CRACD: variants seen among roughly 807,000 people sequenced by gnomAD.
The protein encoded by CRACD is capping protein-inhibiting regulator of actin dynamics.
A neutral mutation model predicts 106.8 loss-of-function variants in CRACD; 56 were observed. That is an observed-to-expected ratio of 0.52 (90% CI 0.42 to 0.66). The LOEUF (loss-of-function observed/expected upper bound fraction) is 0.66. Among genes scored for constraint, CRACD ranks in the 30% least tolerant of loss-of-function variants. CRACD has a pLI of 0.00. For missense variants in CRACD, 1,730 were observed against 1,623.2 expected, an observed-to-expected ratio of 1.07 and a Z score of -1.13; for synonymous variants, 754 against 670.8, an observed-to-expected ratio of 1.12 and a Z score of -1.92.
intron 2 of CRACD, among the ~76,000 whole-genome samples, chr4:56,259,751 C>T (rs767107364): frequency 3.9e-4 from 60 of 152,202 alleles, no homozygotes; most frequent in African/African-American, 1.3e-3. Flanking sequence ...CCCTGTGGCT[C>T]CTGCCTCTCA....
intron 2 of CRACD, among the ~76,000 whole-genome samples, chr4:56,233,644 C>T (rs551378091): frequency 4.6e-5 from 7 of 152,174 alleles, no homozygotes; most frequent in South Asian, 4.1e-4. Context: ...GTTATTTCTC[C>T]AGTTTTGTTC....
rs965392934 is a variant in CRACD, at chr4:56,315,355, G to A, written c.1853G>A (p.Cys618Tyr). The A allele has an allele frequency of 4.3e-6, 7 of 1,613,554 alleles. No homozygotes were observed. The highest frequency in any genetic ancestry group is 1.3e-5 in the African/African-American group (1 of 74,928). ...CTGAGCCAGATCAAGGACACCGCGT[G>A]CAAGTCCCTCCTGGGCTTGGAGGAG... ...VNLSQIKDTA[C>Y]KSLLGLEEKK... Residue 618 changes from cysteine to tyrosine, a missense_variant, in exon 8 of 11, where the codon TGC becomes TAC. By Grantham distance (194) the Cys-to-Tyr change is radical. Coordinates refer to ENST00000682029, the MANE Select transcript of CRACD (RefSeq NM_001393381.1). This position sits in a 1 kb window ranked among gnomAD's most constrained non-coding sequence, Gnocchi z 4.1.
chr4:56,102,982 C>T (rs576345414), intron 1 of CRACD, among the ~76,000 whole-genome samples: 6 of 152,280 alleles, frequency 3.9e-5, no homozygotes, highest in South Asian at 2.1e-4. Flanking sequence ...TGCAAGTTTA[C>T]GTTGTGTACC....
At chr4:56,067,302 A>G (rs1376554360) in intron 1 of CRACD, among the ~76,000 whole-genome samples, 1 of 152,228 alleles carries the variant, frequency 6.6e-6, no homozygotes, top group Non-Finnish European at 1.5e-5. Context: ...GCTGAGTATT[A>G]CAGATAAGGA....
chr4:56,053,627 A>C (rs1384493837), intron 1 of CRACD, among the ~76,000 whole-genome samples: 1 of 152,208 alleles, frequency 6.6e-6, no homozygotes, highest in African/African-American at 2.4e-5. Flanking sequence ...CCAGGTGCCT[A>C]AAAATGTATA....
At chr4:56,274,351 G>C (rs1742546960) in intron 3 of CRACD, among the ~76,000 whole-genome samples, 1 of 152,198 alleles carries the variant, frequency 6.6e-6, no homozygotes, top group Non-Finnish European at 1.5e-5. Context: ...GTCAAGTCTG[G>C]AAAGTTCTCC....
intron 2 of CRACD, among the ~76,000 whole-genome samples, chr4:56,244,628 C>G (rs1170178774): frequency 1.3e-5 from 2 of 152,198 alleles, no homozygotes; most frequent in East Asian, 3.8e-4. Context: ...CCTTCAGACT[C>G]CCACGTGCGT....
chr4:56,225,424 T>G (rs1473277935), intron 2 of CRACD, among the ~76,000 whole-genome samples: 4 of 152,212 alleles, frequency 2.6e-5, no homozygotes, highest in Non-Finnish European at 4.4e-5. Context: ...TAAAGACATT[T>G]TGATTGAATA....
chr4:56,204,871 A>G (rs1051392461), intron 2 of CRACD, among the ~76,000 whole-genome samples: 6 of 152,174 alleles, frequency 3.9e-5, no homozygotes, highest in Non-Finnish European at 8.8e-5. Context: ...TTAAAAATTA[A>G]AAAGACACCC....
At chr4:56,312,329 T>TTTTTAAAGTA (rs1204557572) in intron 6 of CRACD, among the ~76,000 whole-genome samples, 1 of 152,108 alleles carries the variant, frequency 6.6e-6, no homozygotes, top group Admixed American at 6.5e-5. Context: ...GGCTAATTTA[T>TTTTTAAAGTA]TTTTAAAGTA....
At chr4:56,108,277 A>G (rs532782854) in intron 1 of CRACD, among the ~76,000 whole-genome samples, 3 of 152,350 alleles carry the variant, frequency 2.0e-5, no homozygotes, top group African/African-American at 4.8e-5. Flanking sequence ...ATAATCCTGT[A>G]TCATTAATAC....
intron 2 of CRACD, among the ~76,000 whole-genome samples, chr4:56,237,692 C>T (rs1275882880): frequency 6.6e-6 from 1 of 150,462 alleles, no homozygotes; most frequent in Non-Finnish European, 1.5e-5. Flanking sequence ...ATTCCTAGAA[C>T]TGAAATTTCT....
At chr4:56,068,243 T>C (rs1732525076) in intron 1 of CRACD, among the ~76,000 whole-genome samples, 1 of 152,010 alleles carries the variant, frequency 6.6e-6, no homozygotes, top group Admixed American at 6.5e-5. Flanking sequence ...TGTGGTGATA[T>C]GGGGAAAAGA....
intron 1 of CRACD, among the ~76,000 whole-genome samples, chr4:56,146,041 A>G (rs576812628): frequency 6.6e-5 from 10 of 152,300 alleles, no homozygotes; most frequent in African/African-American, 1.9e-4. Context: ...TTTTAAAGCT[A>G]TTAATATTCC....
chr4:56,243,424 GAA>G (rs1280280209), intron 2 of CRACD, among the ~76,000 whole-genome samples: 1 of 152,202 alleles, frequency 6.6e-6, no homozygotes. Context: ...AGGAATGTTA[GAA>G]GAGAGAGAAA....
intron 1 of CRACD, among the ~76,000 whole-genome samples, chr4:56,168,204 T>C (rs62308648): frequency 0.33 from 49,733 of 152,046 alleles, 8,122 homozygotes; most frequent in Admixed American, 0.34. Context: ...AAGTTTTTCA[T>C]AGATGCTCTT....
At chr4:56,299,121 G>A (rs1744219406) in intron 4 of CRACD, among the ~76,000 whole-genome samples, 1 of 152,096 alleles carries the variant, frequency 6.6e-6, no homozygotes, top group African/African-American at 2.4e-5. Flanking sequence ...TGTTGTATTT[G>A]TAAATCTCGC....
chr4:56,098,397 T>C lies in CRACD; in HGVS notation c.-336+49098T>C, dbSNP rs953965190. On this transcript the variant is annotated intron_variant, in intron 1 of 10. Coordinates refer to ENST00000682029, the MANE Select transcript of CRACD (RefSeq NM_001393381.1). ...TCATATGCGATAGGTAAGTCTAATGTTAACTATATATACATTTACACTACT... is the reference window on the plus strand; with the variant it reads ...TCATATGCGATAGGTAAGTCTAATGCTAACTATATATACATTTACACTACT... Among the ~76,000 whole-genome samples the C allele has an allele frequency of 9.2e-5, 14 of 152,338 alleles. No homozygotes were observed. In the East Asian group the frequency reaches 2.5e-3, roughly 27 times the overall value.
chr4:56,305,415 C>T (rs1248756403), intron 4 of CRACD, among the ~76,000 whole-genome samples: 2 of 152,156 alleles, frequency 1.3e-5, no homozygotes, highest in Non-Finnish European at 2.9e-5. Context: ...CAGGTCCCCA[C>T]CCCCTCTCCC....
Sources: allele counts gnomAD v4.1 joint callset (sites outside exome capture counted in the v4.1 genomes callset), GRCh38; gene constraint gnomAD v4.1.1; non-coding constraint Gnocchi (gnomAD v3.1); transcripts MANE v1.5; gene names NCBI Gene and HGNC (gene_info 2026-07-23, HGNC 2026-07-21).